Variants in SIPA1L1 observed in about 807,000 individuals in gnomAD.
The protein encoded by SIPA1L1 is signal induced proliferation associated 1 like 1.
SIPA1L1 carries 26 observed loss-of-function variants against 162.7 expected under a neutral mutation model. That is an observed-to-expected ratio of 0.16 (90% CI 0.12 to 0.22). The LOEUF is 0.22. Among genes scored for constraint, SIPA1L1 ranks in the 10% least tolerant of loss-of-function variants. SIPA1L1 has a pLI of 1.00. For missense variants in SIPA1L1, 1,874 were observed against 2,241.0 expected (o/e 0.84, Z 3.31); for synonymous variants, 829 against 837.4 (o/e 0.99, Z 0.17).
intron 2 of SIPA1L1, among the ~76,000 whole-genome samples, chr14:71,477,987 G>C (rs2048021115): frequency 6.6e-6 from 1 of 152,114 alleles, no homozygotes; most frequent in Non-Finnish European, 1.5e-5. Context: ...ATGTATAAAA[G>C]TTTCAGATGC....
At chr14:71,482,505 A>G (rs1249575813) in intron 2 of SIPA1L1, among the ~76,000 whole-genome samples, 3 of 151,584 alleles carry the variant, frequency 2.0e-5, no homozygotes, top group East Asian at 3.9e-4. Context: ...TCAGTGTGGT[A>G]TAAGTAGCCA....
At chr14:71,422,241 T>C (rs74456345) in intron 2 of SIPA1L1, among the ~76,000 whole-genome samples, 1 of 152,368 alleles carries the variant, frequency 6.6e-6, no homozygotes, top group Non-Finnish European at 1.5e-5. Context: ...CCTATGGTAG[T>C]TTGTATTCTT....
chr14:71,698,586 A>G (rs1244824862), intron 13 of SIPA1L1, among the ~76,000 whole-genome samples: 1 of 152,250 alleles, frequency 6.6e-6, no homozygotes, highest in African/African-American at 2.4e-5. Context: ...CTATGGTCAT[A>G]TACTCTGGGA....
At chr14:71,707,070 C>T (rs1462058326) in intron 16 of SIPA1L1, among the ~76,000 whole-genome samples, 2 of 151,226 alleles carry the variant, frequency 1.3e-5, no homozygotes, top group African/African-American at 2.4e-5. Context: ...ATGTCCTACT[C>T]CTGCCCCTCC....
At chr14:71,702,777 C>T (rs904289775) in intron 15 of SIPA1L1, among the ~76,000 whole-genome samples, 3 of 152,164 alleles carry the variant, frequency 2.0e-5, no homozygotes, top group African/African-American at 7.2e-5. Context: ...GACTAAGTAC[C>T]TTCCTCCCCC....
Position 71,430,976 on chromosome 14 carries a change from GATATAC to G in SIPA1L1, c.-464-81759_-464-81754del, listed in dbSNP as rs1406616232. ...GATATTATTATAAAGGTCCTATATA[GATATAC>G]ATATACACTTATATTTTTTGTTATT... On this transcript the variant is annotated intron_variant, in intron 2 of 23. Transcript: ENST00000381232. Among the ~76,000 whole-genome samples the G allele has an allele frequency of 7.2e-5, 11 of 152,118 alleles. No individual in the cohort carries two copies. In the South Asian group the frequency reaches 1.5e-3, roughly 20 times the overall value.
intron 2 of SIPA1L1, among the ~76,000 whole-genome samples, chr14:71,437,931 G>GT (rs1484856118): frequency 6.6e-6 from 1 of 152,030 alleles, no homozygotes; most frequent in East Asian, 1.9e-4. Context: ...GGCATGTACC[G>GT]TAACTCTTTA....
chr14:71,573,442 C>A, intron 4 of SIPA1L1: 1 of 387,052 alleles, frequency 2.6e-6, no homozygotes. Flanking sequence ...CATCAGAAAA[C>A]TGAGCATTCA....
At chr14:71,549,505 A>G (rs941850830) in intron 4 of SIPA1L1, among the ~76,000 whole-genome samples, 1 of 152,190 alleles carries the variant, frequency 6.6e-6, no homozygotes, top group Admixed American at 6.5e-5. Context: ...TTGGCCAGAA[A>G]GAGTTAGATT....
intron 2 of SIPA1L1, among the ~76,000 whole-genome samples, chr14:71,485,292 C>T (rs374016350): frequency 6.6e-5 from 10 of 152,316 alleles, no homozygotes; most frequent in East Asian, 1.9e-4. Flanking sequence ...CTCCAACCCC[C>T]GGACCACGGA....
intron 3 of SIPA1L1, among the ~76,000 whole-genome samples, chr14:71,523,532 A>C (rs956900450): frequency 6.6e-6 from 1 of 152,106 alleles, no homozygotes; most frequent in African/African-American, 2.4e-5. Flanking sequence ...TGATCTCTAC[A>C]CTGCATTTGT....
chr14:71,497,675 A>G (rs1259805663), intron 2 of SIPA1L1, among the ~76,000 whole-genome samples: 2 of 152,234 alleles, frequency 1.3e-5, no homozygotes. Flanking sequence ...AAGCTGTTGC[A>G]TGTATCAGTA....
intron 3 of SIPA1L1, among the ~76,000 whole-genome samples, chr14:71,529,018 A>G (rs1457294881): frequency 6.6e-6 from 1 of 152,128 alleles, no homozygotes; most frequent in East Asian, 1.9e-4. Flanking sequence ...AGGTTGAGGC[A>G]GAAGAATCGC....
At chr14:71,423,359 GT>G (rs2043325622) in intron 2 of SIPA1L1, among the ~76,000 whole-genome samples, 1 of 151,934 alleles carries the variant, frequency 6.6e-6, no homozygotes. Context: ...TTTTAATTTT[GT>G]TATATATGCC....
intron 4 of SIPA1L1, among the ~76,000 whole-genome samples, chr14:71,538,253 A>G (rs1195447536): frequency 6.6e-6 from 1 of 152,140 alleles, no homozygotes; most frequent in Non-Finnish European, 1.5e-5. Context: ...GGTCCCAGCG[A>G]GGTGATTTCT....
chr14:71,619,989 G>A (rs555789376), intron 6 of SIPA1L1, among the ~76,000 whole-genome samples: 8 of 152,304 alleles, frequency 5.3e-5, no homozygotes, highest in South Asian at 2.1e-4. Context: ...ACAAAGGCAC[G>A]AAGAACGTCA....
chr14:71,566,074 T>C (rs989271273), intron 4 of SIPA1L1, among the ~76,000 whole-genome samples: 3 of 152,040 alleles, frequency 2.0e-5, no homozygotes, highest in African/African-American at 7.2e-5. Context: ...ATCATCAAAA[T>C]ATTAACTCTA....
chr14:71,642,124 A>G (rs1250778789), intron 7 of SIPA1L1, among the ~76,000 whole-genome samples: 1 of 152,240 alleles, frequency 6.6e-6, no homozygotes, highest in Non-Finnish European at 1.5e-5. Context: ...TAAAAACTAG[A>G]CAAAACAATG....
At chr14:71,628,993 A>G (rs1051055600) in intron 7 of SIPA1L1, among the ~76,000 whole-genome samples, 1 of 152,168 alleles carries the variant, frequency 6.6e-6, no homozygotes, top group African/African-American at 2.4e-5. Context: ...GCTGGAATGC[A>G]GTGGTGCGAT....
Sources: allele counts gnomAD v4.1 joint callset (sites outside exome capture counted in the v4.1 genomes callset), GRCh38; gene constraint gnomAD v4.1.1; transcripts MANE v1.5; gene names NCBI Gene and HGNC (gene_info 2026-07-23, HGNC 2026-07-21).